PPP4R4: variants seen among roughly 807,000 people sequenced by gnomAD.
The protein encoded by PPP4R4 is protein phosphatase 4 regulatory subunit 4.
In PPP4R4, 70 loss-of-function variants were observed where a neutral mutation model predicts 121.8. The observed-to-expected ratio is 0.57, with a 90% CI of 0.47 to 0.70. The LOEUF (loss-of-function observed/expected upper bound fraction) is 0.70. Among genes scored for constraint, PPP4R4 ranks in the 30% least tolerant of loss-of-function variants. PPP4R4 has a pLI of 0.00. For missense variants in PPP4R4, 875 were observed against 1,033.6 expected (o/e 0.85, Z 2.10); for synonymous variants, 348 against 355.7 (o/e 0.98, Z 0.24).
Position 94,279,710 on chromosome 14 carries a change from C to T in PPP4R4, c.*1067C>T, listed in dbSNP as rs1330905150. ...TGAAATAATGAATAATGAATTTACTCAAAATAAAACATAGGTTAATGAGAT... is the reference window on the plus strand; with the variant it reads ...TGAAATAATGAATAATGAATTTACTTAAAATAAAACATAGGTTAATGAGAT... On this transcript the variant is annotated 3_prime_UTR_variant, in exon 25 of 25. Coordinates refer to ENST00000304338, the MANE Select transcript of PPP4R4 (RefSeq NM_058237.2). The T allele has an allele frequency of 6.6e-6, 1 of 152,320 alleles. No individual in the cohort carries two copies. The highest frequency in any genetic ancestry group is 1.5e-5 in the Non-Finnish European group (1 of 67,974). The allele number at this position is 152,320 out of a possible 1,614,324, so 9.4% of individuals were successfully genotyped here.
At chr14:94,175,971 C>T in intron 1 of PPP4R4, 83 bp from the exon 2 acceptor site, 1 of 1,041,894 alleles carries the variant, frequency 9.6e-7, no homozygotes, top group East Asian at 2.4e-5. Context: ...ATTCGTTTAT[C>T]CTCATAGAGG....
At chr14:94,186,724 C>T (rs894009626) in intron 2 of PPP4R4, among the ~76,000 whole-genome samples, 1 of 152,102 alleles carries the variant, frequency 6.6e-6, no homozygotes, top group Non-Finnish European at 1.5e-5. Flanking sequence ...AGTATATGAG[C>T]GTTTGAGTTG....
At chr14:94,220,970 G>A (rs2092976) in intron 3 of PPP4R4, among the ~76,000 whole-genome samples, 35,871 of 152,008 alleles carry the variant, frequency 0.24, 5,086 homozygotes, top group East Asian at 0.59. Flanking sequence ...TGGAGGACTT[G>A]CATTACCTGA....
intron 10 of PPP4R4, 80 bp from the exon 11 acceptor site, chr14:94,242,209 A>C: frequency 6.8e-7 from 1 of 1,467,110 alleles, no homozygotes; most frequent in Admixed American, 2.0e-5. Context: ...TTTCAATTTA[A>C]GTGAAACGAT....
At chr14:94,257,394 T>TTA (rs1451056955) in intron 17 of PPP4R4, among the ~76,000 whole-genome samples, 2 of 152,096 alleles carry the variant, frequency 1.3e-5, no homozygotes, top group Non-Finnish European at 2.9e-5. Flanking sequence ...GAGCATTTAT[T>TTA]TATAGTGAGG....
intron 9 of PPP4R4, 46 bp from the exon 10 acceptor site, chr14:94,241,742 T>C: frequency 1.4e-6 from 2 of 1,414,944 alleles, no homozygotes; most frequent in Non-Finnish European, 1.9e-6. Flanking sequence ...TTTTTAAATT[T>C]TGTTTTCAAT....
Position 94,251,833 on chromosome 14 carries a change from T to C in PPP4R4, c.1802T>C (p.Phe601Ser). Reference protein sequence around the residue: ...EFIIEIFSKSFFCKYFFLPAI... With the variant: ...EFIIEIFSKSSFCKYFFLPAI... ...ATTATAGAGATATTTTCAAAATCAT[T>C]TTTCTGTAAATATTTCTTTCTACCT... Residue 601 changes from phenylalanine to serine, a missense_variant, in exon 16 of 25, where the codon TTT becomes TCT. Coordinates refer to ENST00000304338, the MANE Select transcript of PPP4R4 (RefSeq NM_058237.2). The C allele has an allele frequency of 6.3e-7, 1 of 1,599,026 alleles. No individual in the cohort carries two copies. Among genetic ancestry groups the C allele is most frequent in the Non-Finnish European group, 8.5e-7 (1 of 1,169,772 alleles).
chr14:94,219,539 G>T (rs1891269417), intron 3 of PPP4R4, among the ~76,000 whole-genome samples: 1 of 152,100 alleles, frequency 6.6e-6, no homozygotes. Context: ...TAAACTTTCA[G>T]GCCCAGCATT....
intron 2 of PPP4R4, among the ~76,000 whole-genome samples, chr14:94,190,192 T>G (rs1327489482): frequency 6.6e-6 from 1 of 152,190 alleles, no homozygotes; most frequent in Non-Finnish European, 1.5e-5. Flanking sequence ...TTTGTTTGTT[T>G]ATTTTTAATA....
chr14:94,179,080 C>A (rs1888833599), intron 2 of PPP4R4, among the ~76,000 whole-genome samples: 1 of 152,080 alleles, frequency 6.6e-6, no homozygotes, highest in South Asian at 2.1e-4. Flanking sequence ...AGATATAATT[C>A]ATAGTCCTTG....
chr14:94,227,312 C>T (rs1891769458), intron 3 of PPP4R4: 3 of 1,612,070 alleles, frequency 1.9e-6, no homozygotes, highest in African/African-American at 2.7e-5. Context: ...ACTTATTTAT[C>T]CAGAGAGTAT....
chr14:94,241,913 A>C lies in PPP4R4; in HGVS notation c.1102A>C (p.Lys368Gln). The C allele has an allele frequency of 6.2e-7, 1 of 1,609,924 alleles. No homozygotes were observed. The highest frequency in any genetic ancestry group is 8.5e-7 in the Non-Finnish European group (1 of 1,178,178). The part of the protein sequence containing the change: ...QIPPQILEQE[K>Q]KYISVRKNCA... ...TCCACCCCAAATCCTAGAGCAGGAGAAGAAATATATTTCAGTACGGAAGAA... is the reference window on the plus strand; with the variant it reads ...TCCACCCCAAATCCTAGAGCAGGAGCAGAAATATATTTCAGTACGGAAGAA... The change falls in exon 10 of 25, where the codon AAG becomes CAG. Residue 368 changes from lysine to glutamine, a missense_variant. Transcript: ENST00000304338.
At chr14:94,175,146 C>G (rs1888608578) in intron 1 of PPP4R4, among the ~76,000 whole-genome samples, 1 of 151,884 alleles carries the variant, frequency 6.6e-6, no homozygotes, top group African/African-American at 2.4e-5. Context: ...GACACCACCC[C>G]GCGTCCCGTC....
Position 94,278,890 on chromosome 14 carries a change from T to C in PPP4R4, c.*247T>C, listed in dbSNP as rs1356636931. 3.7e-5 allele frequency: 10 copies of C among 269,390 alleles called. No individual in the cohort carries two copies. The South Asian group carries it at 5.9e-4, about 16-fold the overall frequency. The allele number at this position is 269,390 out of a possible 1,614,324, so 16.7% of individuals were successfully genotyped here. A position where few individuals can be genotyped will look rare whatever the true frequency, so the allele number is the denominator to read the frequency against. On this transcript the variant is annotated 3_prime_UTR_variant, in exon 25 of 25. Coordinates refer to ENST00000304338, the MANE Select transcript of PPP4R4 (RefSeq NM_058237.2). ...ATGTGGTTACGGAATTCCAATGTTA[T>C]AGTGAAGTGTAATGAAAAACATCTC...
chr14:94,178,704 A>C (rs1040657662), intron 2 of PPP4R4, among the ~76,000 whole-genome samples: 28 of 152,222 alleles, frequency 1.8e-4, no homozygotes, highest in Admixed American at 1.8e-3. Context: ...GTGGTTTTGC[A>C]TACGTGCGAT....
At chr14:94,227,586 A>G in intron 3 of PPP4R4, 3 of 1,297,712 alleles carry the variant, frequency 2.3e-6, no homozygotes, top group Non-Finnish European at 2.9e-6. Context: ...TAGTTGGGGC[A>G]AATGTTGCTG....
At chr14:94,227,140 G>A (rs1324458326) in intron 3 of PPP4R4, 7 of 619,984 alleles carry the variant, frequency 1.1e-5, no homozygotes, top group Admixed American at 6.7e-5. Context: ...ACTTGGAAAC[G>A]TGCCATTAAC....
intron 23 of PPP4R4, among the ~76,000 whole-genome samples, chr14:94,267,609 T>C (rs1471845628): frequency 2.0e-5 from 3 of 152,208 alleles, no homozygotes; most frequent in South Asian, 2.1e-4. Flanking sequence ...TGTAATTTGC[T>C]GGCCTCTGGT....
intron 17 of PPP4R4, among the ~76,000 whole-genome samples, chr14:94,257,976 T>C (rs1358216064): frequency 2.0e-5 from 3 of 152,142 alleles, no homozygotes; most frequent in African/African-American, 7.2e-5. Flanking sequence ...GACATTAGTA[T>C]GGAAAACTCC....
Sources: gnomAD v4.1 joint callset for allele counts (sites outside exome capture counted in the v4.1 genomes callset) on GRCh38, gnomAD v4.1.1 for gene constraint, MANE v1.5 for transcripts, NCBI Gene and HGNC (gene_info 2026-07-23, HGNC 2026-07-21) for gene names.